YTHDF3: variants seen among roughly 807,000 people sequenced by gnomAD.
The protein encoded by YTHDF3 is YTH N6-methyladenosine RNA binding protein F3.
YTHDF3 carries 9 observed loss-of-function variants against 52.5 expected under a neutral mutation model. The ratio of observed to expected loss-of-function variants is 0.17; its 90% confidence interval spans 0.10 to 0.30. YTHDF3 has a LOEUF of 0.30. Ranked by LOEUF, YTHDF3 falls within the 10% of genes least tolerant of loss-of-function variation. The pLI is 1.00. For missense variants in YTHDF3, 534 were observed against 715.0 expected, an observed-to-expected ratio of 0.75 and a Z score of 2.89; for synonymous variants, 274 against 243.3, an observed-to-expected ratio of 1.13 and a Z score of -1.18.
intron 4 of YTHDF3, among the ~76,000 whole-genome samples, chr8:63,200,983 C>G (rs1256509274): frequency 6.6e-6 from 1 of 152,000 alleles, no homozygotes; most frequent in Non-Finnish European, 1.5e-5. Context: ...AATCACAAGT[C>G]GAAGGAATTG....
In YTHDF3 at chr8:63,194,711, G is replaced by C. The variant is rs984289067; in HGVS notation, c.1734+6966G>C. ...CTTGCATAACCACAATATTCTGTCAGATGATCCATGGAATTGCTTATTGCT... is the reference window on the plus strand; with the variant it reads ...CTTGCATAACCACAATATTCTGTCACATGATCCATGGAATTGCTTATTGCT... On this transcript the variant is annotated intron_variant, in intron 4 of 4. Coordinates refer to ENST00000539294, the MANE Select transcript of YTHDF3 (RefSeq NM_152758.6). 9.2e-5 allele frequency among the ~76,000 whole-genome samples: 14 copies of C among 152,106 alleles called. 1 individual carries two copies. Among genetic ancestry groups the C allele is most frequent in the Admixed American group, 8.5e-4 (13 of 15,264 alleles).
At chr8:63,186,084 G>A (rs557729395) in intron 3 of YTHDF3, 63 bp from the exon 4 acceptor site, 1 of 1,449,320 alleles carries the variant, frequency 6.9e-7, no homozygotes, top group South Asian at 1.4e-5. Flanking sequence ...TAATCTTTCA[G>A]ATTTCTTTTT....
chr8:63,186,083 A>G, intron 3 of YTHDF3, 64 bp from the exon 4 acceptor site: 3 of 1,442,314 alleles, frequency 2.1e-6, no homozygotes, highest in Non-Finnish European at 2.8e-6. Flanking sequence ...TTAATCTTTC[A>G]GATTTCTTTT....
chr8:63,208,939 C>T (rs1810208362), intron 4 of YTHDF3, among the ~76,000 whole-genome samples: 1 of 152,178 alleles, frequency 6.6e-6, no homozygotes, highest in Admixed American at 6.5e-5. Context: ...GCCATCTTGG[C>T]TCATGGCAAC....
At chr8:63,207,436 C>G (rs1326804518) in intron 4 of YTHDF3, among the ~76,000 whole-genome samples, 1 of 152,080 alleles carries the variant, frequency 6.6e-6, no homozygotes, top group Non-Finnish European at 1.5e-5. Context: ...GTAAATGATA[C>G]AAATGTTTAT....
chr8:63,197,878 T>G (rs1267453571), intron 4 of YTHDF3, among the ~76,000 whole-genome samples: 1 of 152,260 alleles, frequency 6.6e-6, no homozygotes, highest in African/African-American at 2.4e-5. Flanking sequence ...GATTCTTTCT[T>G]TTGAAATTTT....
chr8:63,176,471 A>G (rs796104891), intron 3 of YTHDF3, among the ~76,000 whole-genome samples: 115 of 152,058 alleles, frequency 7.6e-4, no homozygotes, highest in African/African-American at 2.7e-3. Context: ...TAGTAGAGAC[A>G]GGGTTTCACC....
intron 3 of YTHDF3, 30 bp from the exon 4 acceptor site, chr8:63,186,117 C>T (rs189950017): frequency 1.9e-4 from 301 of 1,567,790 alleles, no homozygotes; most frequent in African/African-American, 4.9e-4. Context: ...GAGGACATTT[C>T]GCTACTGATT....
At chr8:63,199,256 G>T (rs927044285) in intron 4 of YTHDF3, among the ~76,000 whole-genome samples, 7 of 152,066 alleles carry the variant, frequency 4.6e-5, no homozygotes, top group Admixed American at 6.6e-5. Flanking sequence ...GATTAAATTG[G>T]ACAGAATTTC....
At chr8:63,176,279 CTTATTTAT>C (rs1173169375) in intron 3 of YTHDF3, among the ~76,000 whole-genome samples, 1 of 152,020 alleles carries the variant, frequency 6.6e-6, no homozygotes, top group African/African-American at 2.4e-5. Context: ...TTCTGTAGTT[CTTATTTAT>C]TTATTTATTT....
rs1807157965 is a variant in YTHDF3, at chr8:63,169,695, CTG to C, written c.49+288_49+289del. On this transcript the variant is annotated intron_variant, in intron 2 of 4. Transcript: ENST00000539294. ...GTATTTCTTTGGTTTTCCAGTTTTTCTGTGTTATGTAACTTATGCCACAAAAA... is the reference window on the plus strand; with the variant it reads ...GTATTTCTTTGGTTTTCCAGTTTTTCTGTTATGTAACTTATGCCACAAAAA... Among the ~76,000 whole-genome samples, 2 of 152,190 alleles carry C rather than the reference CTG, an allele frequency of 1.3e-5. 1 individual carries two copies. Among genetic ancestry groups the C allele is most frequent in the Admixed American group, 1.3e-4 (2 of 15,288 alleles).
At chr8:63,205,564 G>T (rs1659999442) in intron 4 of YTHDF3, among the ~76,000 whole-genome samples, 1 of 151,874 alleles carries the variant, frequency 6.6e-6, no homozygotes, top group South Asian at 2.1e-4. Context: ...CTCCTGAGTG[G>T]CTGGGATTAC....
At chr8:63,189,722 C>T (rs922036412) in intron 4 of YTHDF3, among the ~76,000 whole-genome samples, 8 of 152,122 alleles carry the variant, frequency 5.3e-5, no homozygotes, top group African/African-American at 1.2e-4. Context: ...TGCAGATTCT[C>T]GAGACCCATC....
chr8:63,200,181 G>A (rs892197004), intron 4 of YTHDF3, among the ~76,000 whole-genome samples: 3 of 152,132 alleles, frequency 2.0e-5, no homozygotes, highest in African/African-American at 4.8e-5. Flanking sequence ...TGGACTAAGA[G>A]CCTCAGTTCC....
At chr8:63,183,226 G>C (rs1808269292) in intron 3 of YTHDF3, among the ~76,000 whole-genome samples, 1 of 152,136 alleles carries the variant, frequency 6.6e-6, no homozygotes, top group Admixed American at 6.5e-5. Flanking sequence ...CTCTCAAAGT[G>C]CTGGGATTAT....
At position 63,198,525 on chromosome 8, in the gene YTHDF3, C is replaced by T. The variant is rs529864507; in HGVS notation, c.1734+10780C>T. Among the ~76,000 whole-genome samples, 13 of 152,314 alleles carry T rather than the reference C, an allele frequency of 8.5e-5. No homozygotes were observed. In the South Asian group the frequency reaches 2.7e-3, roughly 32 times the overall value. On this transcript the variant is annotated intron_variant, in intron 4 of 4. Coordinates refer to ENST00000539294, the MANE Select transcript of YTHDF3 (RefSeq NM_152758.6). ...CAGGTCATCTGCCCACCTCTGCCTT[C>T]CAAAGTGCTGGGATTACAGACTTGA...
chr8:63,176,685 T>A, intron 3 of YTHDF3, among the ~76,000 whole-genome samples: 1 of 151,112 alleles, frequency 6.6e-6, no homozygotes, highest in African/African-American at 2.5e-5. Context: ...TTTTTTTTTT[T>A]TCTTTAATTT....
At chr8:63,209,556 AC>A in intron 4 of YTHDF3, 126 bp from the exon 5 acceptor site, 1 of 895,402 alleles carries the variant, frequency 1.1e-6, no homozygotes, top group South Asian at 1.8e-5. Flanking sequence ...GTTTTTAATT[AC>A]TTGAATTAGT....
At chr8:63,202,651 CG>C (rs553689674) in intron 4 of YTHDF3, among the ~76,000 whole-genome samples, 325 of 151,982 alleles carry the variant, frequency 2.1e-3, no homozygotes, top group Non-Finnish European at 3.0e-3. Flanking sequence ...TTAGTAGAGA[CG>C]GGGTTTTGAC....
Sources: gnomAD v4.1 joint callset for allele counts (sites outside exome capture counted in the v4.1 genomes callset) on GRCh38, gnomAD v4.1.1 for gene constraint, MANE v1.5 for transcripts, NCBI Gene and HGNC (gene_info 2026-07-23, HGNC 2026-07-21) for gene names.